Variants in NCOA1 observed in about 807,000 individuals in gnomAD.
NCOA1 encodes Hin-2 protein.
NCOA1 carries 35 observed loss-of-function variants against 150.9 expected under a neutral mutation model. The observed-to-expected ratio is 0.23, with a 90% confidence interval of 0.18 to 0.31. The LOEUF is 0.31. NCOA1 is among the 10% of genes least tolerant of loss of function. NCOA1 has a pLI of 1.00. For synonymous variants in NCOA1, 590 were observed against 630.0 expected, an observed-to-expected ratio of 0.94 and a Z score of 0.95; for missense variants, 1,491 against 1,749.3, an observed-to-expected ratio of 0.85 and a Z score of 2.63.
intron 4 of NCOA1, among the ~76,000 whole-genome samples, chr2:24,649,232 C>G (rs1670610286): frequency 6.6e-6 from 1 of 152,170 alleles, no homozygotes; most frequent in African/African-American, 2.4e-5. Flanking sequence ...CCCAGCAACA[C>G]TGAAATTTTT....
chr2:24,723,056 T>C (rs193119645), intron 14 of NCOA1, among the ~76,000 whole-genome samples: 27 of 152,270 alleles, frequency 1.8e-4, no homozygotes, highest in African/African-American at 5.1e-4. Context: ...TGTTTATTTA[T>C]TTTTAGTGAT....
chr2:24,607,644 A>T (rs1668432167), intron 3 of NCOA1, among the ~76,000 whole-genome samples: 1 of 151,902 alleles, frequency 6.6e-6, no homozygotes, highest in South Asian at 2.1e-4. Flanking sequence ...GAGCCAAAAT[A>T]GTGCTACTGC....
intron 1 of NCOA1, among the ~76,000 whole-genome samples, chr2:24,544,119 A>G (rs1381371008): frequency 1.3e-5 from 2 of 152,148 alleles, no homozygotes; most frequent in Non-Finnish European, 2.9e-5. Flanking sequence ...AGTAGAGAGA[A>G]GAGGACCAAC....
At chr2:24,694,393 A>C (rs2148566189) in intron 10 of NCOA1, among the ~76,000 whole-genome samples, 1 of 152,340 alleles carries the variant, frequency 6.6e-6, no homozygotes, top group Non-Finnish European at 1.5e-5. Flanking sequence ...AAGATTTTAA[A>C]AATAATTTCT....
chr2:24,518,937 T>C (rs552448194), intron 1 of NCOA1, among the ~76,000 whole-genome samples: 1 of 152,154 alleles, frequency 6.6e-6, no homozygotes, highest in Non-Finnish European at 1.5e-5. Flanking sequence ...GTCAAAATCC[T>C]AGCAGGAATT....
At chr2:24,516,566 T>C (rs561289292) in intron 1 of NCOA1, among the ~76,000 whole-genome samples, 6 of 151,954 alleles carry the variant, frequency 3.9e-5, no homozygotes, top group African/African-American at 1.4e-4. Flanking sequence ...AGTGACATTA[T>C]GTCACTGCTG....
At chr2:24,645,361 G>C (rs1329498725) in intron 4 of NCOA1, among the ~76,000 whole-genome samples, 1 of 151,040 alleles carries the variant, frequency 6.6e-6, no homozygotes, top group Non-Finnish European at 1.5e-5. Flanking sequence ...AAATTAGCCA[G>C]GCGTGGTGGT....
chr2:24,500,905 T>A (rs1247205711), intron 1 of NCOA1, among the ~76,000 whole-genome samples: 1 of 152,196 alleles, frequency 6.6e-6, no homozygotes, highest in African/African-American at 2.4e-5. Context: ...ATATTTAGAA[T>A]TTTTCCTGTT....
intron 3 of NCOA1, among the ~76,000 whole-genome samples, chr2:24,635,827 G>A (rs1377978627): frequency 6.6e-6 from 1 of 152,052 alleles, no homozygotes; most frequent in Non-Finnish European, 1.5e-5. Context: ...ATGAAGAGCT[G>A]GAAGTTTAAG....
At chr2:24,719,116 A>G (rs1356529890) in intron 14 of NCOA1, among the ~76,000 whole-genome samples, 3 of 152,000 alleles carry the variant, frequency 2.0e-5, no homozygotes, top group African/African-American at 7.2e-5. Context: ...ATAAAATGAA[A>G]CACTGCTCAG....
chr2:24,666,046 C>G lies in NCOA1; in HGVS notation c.256+131C>G, dbSNP rs946489381. 7 of 506,314 alleles carry G rather than the reference C, an allele frequency of 1.4e-5. No homozygotes were observed. In the African/African-American group the frequency reaches 1.5e-4, roughly 11 times the overall value. 31.4% of individuals were successfully genotyped at this position (506,314 alleles called of 1,614,324 possible). A position where few individuals can be genotyped will look rare whatever the true frequency, so the allele number is the denominator to read the frequency against. ...TTATTTTTTGAGATGAAGTCCCGCT[C>G]TGTCGCCCAGGCTGGAGTGCAGTGG... On this transcript the variant is annotated intron_variant, in intron 6 of 22. Coordinates refer to ENST00000348332, the MANE Select transcript of NCOA1 (RefSeq NM_003743.5).
intron 19 of NCOA1, among the ~76,000 whole-genome samples, chr2:24,746,464 C>T (rs1446553800): frequency 1.3e-5 from 2 of 152,142 alleles, no homozygotes; most frequent in Non-Finnish European, 2.9e-5. Context: ...ATTGCTTGAA[C>T]CCAGGAGGCG....
Position 24,707,180 on chromosome 2 carries a change from T to C in NCOA1, c.1710T>C (p.Pro570=). The change falls in exon 13 of 23, where the codon CCT becomes CCC. Residue 570 remains proline, a synonymous_variant. Coordinates refer to ENST00000348332, the MANE Select transcript of NCOA1 (RefSeq NM_003743.5). ...GGCAGATGAGCTCACAGAATTCACC[T>C]AGCAGATTAAATATACAACCAGCAA... ...VLRQMSSQNS[P]SRLNIQPAKA... 4.3e-6 allele frequency: 7 copies of C among 1,614,182 alleles called. No individual in the cohort carries two copies. The African/African-American group carries it at 8.0e-5, about 18-fold the overall frequency.
chr2:24,711,063 C>T lies in NCOA1; in HGVS notation c.2551C>T (p.Pro851Ser). 3 of 1,614,108 alleles carry T rather than the reference C, an allele frequency of 1.9e-6. No homozygotes were observed. The highest frequency in any genetic ancestry group is 2.5e-6 in the Non-Finnish European group (3 of 1,179,988). ...TSVTIKSEIL[P>S]ASLQSATARP... ...TGTAACCATCAAATCGGAGATCCTG[C>T]CAGCTTCACTTCAGTCCGCCACTGC... is the stretch of plus-strand genomic sequence containing the variant. The change falls in exon 14 of 23, where the codon CCA becomes TCA. Residue 851 changes from proline (P) to serine (S), a missense_variant. Physicochemically the swap from Pro to Ser is moderately conservative, Grantham distance 74. Coordinates refer to ENST00000348332, the MANE Select transcript of NCOA1 (RefSeq NM_003743.5).
intron 14 of NCOA1, among the ~76,000 whole-genome samples, chr2:24,718,914 A>C (rs1206008709): frequency 2.7e-5 from 4 of 149,288 alleles, no homozygotes; most frequent in Non-Finnish European, 4.5e-5. Flanking sequence ...CTGTAATCAC[A>C]GCTTCTAGGG....
intron 1 of NCOA1, among the ~76,000 whole-genome samples, chr2:24,551,750 A>G (rs1322618163): frequency 6.6e-6 from 1 of 152,148 alleles, no homozygotes; most frequent in Non-Finnish European, 1.5e-5. Flanking sequence ...ATTTTCTTCT[A>G]TGTTTTCCTA....
intron 16 of NCOA1, 71 bp from the exon 17 acceptor site, chr2:24,729,430 T>A: frequency 7.2e-7 from 1 of 1,395,366 alleles, no homozygotes; most frequent in South Asian, 1.3e-5. Flanking sequence ...TGGTGCTTTC[T>A]AGAAATACGG....
intron 8 of NCOA1, among the ~76,000 whole-genome samples, chr2:24,687,403 A>C (rs1372944531): frequency 6.6e-6 from 1 of 151,918 alleles, no homozygotes; most frequent in Non-Finnish European, 1.5e-5. Flanking sequence ...TACATGTGCA[A>C]GGTTTGTTAT....
At chr2:24,716,412 G>A (rs532774454) in intron 14 of NCOA1, among the ~76,000 whole-genome samples, 9 of 152,018 alleles carry the variant, frequency 5.9e-5, no homozygotes, top group African/African-American at 1.2e-4. Flanking sequence ...TTTATATGGC[G>A]AATTGACATT....
Sources: gnomAD v4.1 joint callset for allele counts (sites outside exome capture counted in the v4.1 genomes callset) on GRCh38, gnomAD v4.1.1 for gene constraint, MANE v1.5 for transcripts, NCBI Gene and HGNC (gene_info 2026-07-23, HGNC 2026-07-21) for gene names.